Variants in COL18A1 observed in about 807,000 individuals in gnomAD.
COL18A1 encodes the protein collagen alpha-1(XVIII) chain.
In COL18A1, 133 loss-of-function variants were observed where a neutral mutation model predicts 168.0. That is an observed-to-expected ratio of 0.79 (90% CI 0.69 to 0.91). COL18A1 has a LOEUF of 0.91. COL18A1 is among the 40% of genes least tolerant of loss of function. The pLI is 0.00. For missense variants in COL18A1, 2,126 were observed against 1,925.4 expected (o/e 1.10, Z -1.95); for synonymous variants, 949 against 809.0 (o/e 1.17, Z -2.94).
Position 45,491,392 on chromosome 21 carries a change from C to CA in COL18A1, c.2157+78_2157+79insA, listed in dbSNP as rs1294943097. The stretch of plus-strand genomic sequence containing the variant: ...GCAGAGATCCCTCCCCGAGCCCCCC[C>CA]CACACCCCCACATCCCCCAGGTCAG... On this transcript the variant is annotated intron_variant, in intron 22 of 41. Coordinates refer to ENST00000651438, the MANE Select transcript of COL18A1 (RefSeq NM_001379500.1). 3.0e-5 allele frequency: 22 copies of CA among 729,530 alleles called. 1 individual carries two copies. Among genetic ancestry groups the CA allele is most frequent in the South Asian group, 2.5e-4 (17 of 67,502 alleles). 45.2% of individuals were successfully genotyped at this position (729,530 alleles called of 1,614,324 possible). A position where few individuals can be genotyped will look rare whatever the true frequency, so the allele number is the denominator to read the frequency against.
chr21:45,456,773 C>T, intron 2 of COL18A1: 1 of 1,542,746 alleles, frequency 6.5e-7, no homozygotes, highest in South Asian at 1.2e-5. Flanking sequence ...CTGCGAGGCC[C>T]TGCAGGATGC....
chr21:45,494,243 T>G (rs2036455495), intron 26 of COL18A1: 2 of 416,552 alleles, frequency 4.8e-6, no homozygotes, highest in Admixed American at 7.8e-5. Flanking sequence ...GCGTGGCACA[T>G]GCCCTCCACC....
chr21:45,492,480 G>A lies in COL18A1; in HGVS notation c.2158-55G>A, dbSNP rs1480516348. 2.3e-5 allele frequency: 37 copies of A among 1,608,536 alleles called. No homozygotes were observed. In the Admixed American group the frequency reaches 5.7e-4, roughly 25 times the overall value. On this transcript the variant is annotated intron_variant, in intron 22 of 41. Transcript: ENST00000651438. ...TTGATCTGTAAGTCGCTCGAGTCCAGTTGAATTTTAAACGCGGCTCTTTGT... is the reference window on the plus strand; with the variant it reads ...TTGATCTGTAAGTCGCTCGAGTCCAATTGAATTTTAAACGCGGCTCTTTGT...
At chr21:45,487,231 C>T (rs1354250370) in intron 16 of COL18A1, among the ~76,000 whole-genome samples, 1 of 152,220 alleles carries the variant, frequency 6.6e-6, no homozygotes, top group African/African-American at 2.4e-5. Flanking sequence ...GTGCCCTGAC[C>T]AAGAGCGAAT....
At chr21:45,488,357 A>C in intron 17 of COL18A1, 61 bp from the exon 18 acceptor site, 1 of 1,612,106 alleles carries the variant, frequency 6.2e-7, no homozygotes, top group South Asian at 1.1e-5. Context: ...TTCTTGCGGC[A>C]GACGCATCTC....
Position 45,442,288 on chromosome 21 carries a change from G to A in COL18A1, c.107-25954G>A, listed in dbSNP as rs79144234. 1.7e-3 allele frequency among the ~76,000 whole-genome samples: 260 copies of A among 152,328 alleles called. 2 individuals carry two copies. Among genetic ancestry groups the A allele is most frequent in the African/African-American group, 5.7e-3 (239 of 41,572 alleles). On this transcript the variant is annotated intron_variant, in intron 2 of 41. Coordinates refer to ENST00000651438, the MANE Select transcript of COL18A1 (RefSeq NM_001379500.1). The stretch of plus-strand genomic sequence containing the variant: ...GCTTTTTCTCCTTTAAATCCCACCT[G>A]TGAGTTTTATTTTTGTAACTGCAGA...
At position 45,478,730 on chromosome 21, in the gene COL18A1, C is replaced by A. The variant is rs535621353; in HGVS notation, c.1248+377C>A. ...CTGAGACTCTGTGAAGTCCGAGCTT[C>A]GTCGCAAAACACGCAGTTCAGTCTT... is the stretch of plus-strand genomic sequence containing the variant. On this transcript the variant is annotated intron_variant, in intron 9 of 41. Transcript: ENST00000651438. Among the ~76,000 whole-genome samples the A allele has an allele frequency of 1.5e-4, 23 of 152,150 alleles. No individual in the cohort carries two copies. In the East Asian group the frequency reaches 3.9e-3, roughly 26 times the overall value.
intron 13 of COL18A1, among the ~76,000 whole-genome samples, chr21:45,481,370 AC>A (rs200232455): frequency 6.6e-6 from 1 of 151,918 alleles, no homozygotes; most frequent in East Asian, 1.9e-4. Context: ...GCAGGTCATG[AC>A]TGGCAGCAGG....
rs1900235425 is a variant in COL18A1, at chr21:45,473,185, C to T, written c.652-710C>T. Among the ~76,000 whole-genome samples the T allele has an allele frequency of 1.3e-5, 2 of 152,232 alleles. No homozygotes were observed. Among genetic ancestry groups the T allele is most frequent in the Non-Finnish European group, 2.9e-5 (2 of 68,040 alleles). On this transcript the variant is annotated intron_variant, in intron 3 of 41. Coordinates refer to ENST00000651438, the MANE Select transcript of COL18A1 (RefSeq NM_001379500.1). This position sits in a 1 kb window ranked among gnomAD's most constrained non-coding sequence, Gnocchi z 4.0. ...TTAGGACGTTGCGCCCTCCTGTGTC[C>T]TTGCCCAGCATCCCCGGCCTGCATC...
chr21:45,442,601 T>C (rs1351377184), intron 2 of COL18A1, among the ~76,000 whole-genome samples: 1 of 151,544 alleles, frequency 6.6e-6, no homozygotes, highest in Admixed American at 6.6e-5. Context: ...GCGGTGGTGC[T>C]GGTGTGGGCG....
chr21:45,496,207 C>T, intron 29 of COL18A1: 3 of 610,448 alleles, frequency 4.9e-6, no homozygotes, highest in South Asian at 3.1e-5. Flanking sequence ...CTGATGTCAG[C>T]AGGGTGGGGC....
intron 2 of COL18A1, among the ~76,000 whole-genome samples, chr21:45,436,361 C>T (rs571390966): frequency 6.6e-6 from 1 of 152,344 alleles, no homozygotes; most frequent in South Asian, 2.1e-4. Context: ...GGGCAGAAGC[C>T]TGCGTGAGCT....
At chr21:45,417,674 C>T (rs530244502) in intron 2 of COL18A1, among the ~76,000 whole-genome samples, 2 of 152,292 alleles carry the variant, frequency 1.3e-5, no homozygotes, top group African/African-American at 2.4e-5. Flanking sequence ...TTAATAACAA[C>T]GGACTGTGGG....
intron 15 of COL18A1, among the ~76,000 whole-genome samples, chr21:45,486,157 CG>C (rs979092339): frequency 6.6e-6 from 1 of 152,210 alleles, no homozygotes; most frequent in Non-Finnish European, 1.5e-5. Context: ...CTGCTTCTCA[CG>C]GCTTTCGGAC....
At chr21:45,428,903 CT>C (rs35500358) in intron 2 of COL18A1, among the ~76,000 whole-genome samples, 15,131 of 145,314 alleles carry the variant, frequency 0.1, 792 homozygotes, top group African/African-American at 0.12. Context: ...TCTTTCTTTT[CT>C]TTTTTTTTTT....
chr21:45,508,516 T>G (rs4364095), intron 38 of COL18A1, among the ~76,000 whole-genome samples: 37 of 145,828 alleles, frequency 2.5e-4, no homozygotes, highest in East Asian at 1.2e-3. Context: ...GTAAGTGGGT[T>G]AGTGGATGGG....
Position 45,480,147 on chromosome 21 carries a change from C to T in COL18A1, c.1389C>T (p.His463=), listed in dbSNP as rs780511696. ...GGCCCCCAGGACCCTCCTTCAGACACGACAAGCTGGTAAGTCCCGCCCTTG... is the reference window on the plus strand; with the variant it reads ...GGCCCCCAGGACCCTCCTTCAGACATGACAAGCTGGTAAGTCCCGCCCTTG... ...PPGPPGPSFR[H]DKLTFIDMEG... The change falls in exon 11 of 42, where the codon CAC becomes CAT. Residue 463 remains histidine (H), a synonymous_variant. Coordinates refer to ENST00000651438, the MANE Select transcript of COL18A1 (RefSeq NM_001379500.1). 1.4e-5 allele frequency: 22 copies of T among 1,575,512 alleles called. No homozygotes were observed. In the African/African-American group the frequency reaches 1.6e-4, roughly 12 times the overall value.
At chr21:45,490,607 C>T (rs1320259350) in intron 20 of COL18A1, among the ~76,000 whole-genome samples, 5 of 144,524 alleles carry the variant, frequency 3.5e-5, no homozygotes, top group Admixed American at 1.4e-4. Flanking sequence ...CTCCCGGGTC[C>T]CTGGGCCTTC....
In COL18A1 at chr21:45,507,407, C is replaced by T. The variant is rs1291689577; in HGVS notation, c.3217-154C>T. On this transcript the variant is annotated intron_variant, in intron 37 of 41. Transcript: ENST00000651438. ...GCTGGGCAGGGAGCGTACCCTGGCA[C>T]AGGCTTGGAGGGGCAGGTGCTGGGC... The T allele has an allele frequency of 3.0e-5, 17 of 563,684 alleles. No homozygotes were observed. The East Asian group carries it at 6.5e-4, about 22-fold the overall frequency. 34.9% of individuals were successfully genotyped at this position (563,684 alleles called of 1,614,324 possible). A position where few individuals can be genotyped will look rare whatever the true frequency, so the allele number is the denominator to read the frequency against.
Sources: allele counts gnomAD v4.1 joint callset (sites outside exome capture counted in the v4.1 genomes callset), GRCh38; gene constraint gnomAD v4.1.1; non-coding constraint Gnocchi (gnomAD v3.1); transcripts MANE v1.5; gene names NCBI Gene and HGNC (gene_info 2026-07-23, HGNC 2026-07-21).